Variants in EEFSEC observed in about 807,000 individuals in gnomAD.
EEFSEC encodes the protein eukaryotic elongation factor, selenocysteine-tRNA specific.
A neutral mutation model predicts 42.1 loss-of-function variants in EEFSEC; 43 were observed. The ratio of observed to expected loss-of-function variants is 1.02; its 90% CI spans 0.80 to 1.32. The LOEUF (loss-of-function observed/expected upper bound fraction) is 1.32, where lower values mean the gene tolerates loss of function less well. Among genes scored for constraint, EEFSEC ranks in the 40% most tolerant of loss-of-function variants. EEFSEC has a pLI of 0.00. For synonymous variants in EEFSEC, 354 were observed against 339.1 expected, an observed-to-expected ratio of 1.04 and a Z score of -0.48; for missense variants, 745 against 803.6, an observed-to-expected ratio of 0.93 and a Z score of 0.88.
chr3:128,283,078 G>A (rs1481974241), intron 4 of EEFSEC, among the ~76,000 whole-genome samples: 1 of 152,252 alleles, frequency 6.6e-6, no homozygotes, highest in Non-Finnish European at 1.5e-5. Flanking sequence ...ATCAGGACCT[G>A]CTGTGTATAA....
At chr3:128,378,742 G>A (rs753998448) in intron 6 of EEFSEC, among the ~76,000 whole-genome samples, 3 of 152,216 alleles carry the variant, frequency 2.0e-5, no homozygotes, top group Non-Finnish European at 4.4e-5. Context: ...CTGCAGGCCA[G>A]CCTGACTCTG....
intron 1 of EEFSEC, among the ~76,000 whole-genome samples, chr3:128,180,692 G>T (rs962931278): frequency 6.6e-6 from 1 of 152,206 alleles, no homozygotes; most frequent in Non-Finnish European, 1.5e-5. Flanking sequence ...TGCATCGATG[G>T]GACCAGGCAG....
intron 1 of EEFSEC, among the ~76,000 whole-genome samples, chr3:128,217,140 G>T (rs1471229231): frequency 1.3e-5 from 2 of 152,164 alleles, no homozygotes; most frequent in Non-Finnish European, 2.9e-5. Flanking sequence ...GATGAGAGCT[G>T]ATAGCTTTTG....
intron 4 of EEFSEC, among the ~76,000 whole-genome samples, chr3:128,293,678 A>C (rs1431650388): frequency 7.2e-6 from 1 of 138,776 alleles, no homozygotes; most frequent in African/African-American, 2.7e-5. Context: ...AAAAAAAAAA[A>C]AAAAAAAAAC....
chr3:128,329,405 C>A (rs1251334872), intron 4 of EEFSEC, among the ~76,000 whole-genome samples: 3 of 147,912 alleles, frequency 2.0e-5, no homozygotes, highest in Non-Finnish European at 4.5e-5. Context: ...TAGTGCCACC[C>A]AGCCCCACCC....
At chr3:128,250,123 T>G (rs1219766924) in intron 2 of EEFSEC, among the ~76,000 whole-genome samples, 2 of 152,188 alleles carry the variant, frequency 1.3e-5, no homozygotes, top group African/African-American at 4.8e-5. Flanking sequence ...GTTGTTGAAT[T>G]GTAATAGTTA....
chr3:128,371,532 A>G (rs2067653709), intron 6 of EEFSEC, among the ~76,000 whole-genome samples: 3 of 152,182 alleles, frequency 2.0e-5, no homozygotes, highest in Admixed American at 1.3e-4. Context: ...AGCAAGTGGC[A>G]GAAGGAACTG....
At chr3:128,320,763 C>A (rs985966883) in intron 4 of EEFSEC, among the ~76,000 whole-genome samples, 12 of 152,350 alleles carry the variant, frequency 7.9e-5, no homozygotes, top group African/African-American at 2.4e-4. Flanking sequence ...AGGCGGTAGC[C>A]ACTCCACCAG....
downstream of EEFSEC, among the ~76,000 whole-genome samples, chr3:128,413,477 G>C (rs1455812508): frequency 6.6e-6 from 1 of 152,130 alleles, no homozygotes; most frequent in African/African-American, 2.4e-5. Context: ...AGTGTGGCCT[G>C]CGGCCCCCTC....
At chr3:128,394,631 T>C (rs143527876) in intron 6 of EEFSEC, among the ~76,000 whole-genome samples, 35 of 150,934 alleles carry the variant, frequency 2.3e-4, no homozygotes, top group African/African-American at 8.2e-4. Context: ...AGGGAGTGAG[T>C]GTTTGGAGTA....
At chr3:128,251,159 A>G (rs1046300175) in intron 2 of EEFSEC, among the ~76,000 whole-genome samples, 1 of 152,010 alleles carries the variant, frequency 6.6e-6, no homozygotes, top group Non-Finnish European at 1.5e-5. Context: ...AGGCATGTAC[A>G]TTTTTATTTC....
At chr3:128,283,220 G>A (rs144679474) in intron 4 of EEFSEC, among the ~76,000 whole-genome samples, 1 of 152,326 alleles carries the variant, frequency 6.6e-6, no homozygotes, top group African/African-American at 2.4e-5. Flanking sequence ...CCCATCCCAG[G>A]ACAGCCCAGC....
At chr3:128,189,583 A>T (rs550072129) in intron 1 of EEFSEC, among the ~76,000 whole-genome samples, 6 of 138,700 alleles carry the variant, frequency 4.3e-5, no homozygotes, top group African/African-American at 1.7e-4. Context: ...TTTCCGAGCC[A>T]GGGTCTGGCT....
intron 3 of EEFSEC, among the ~76,000 whole-genome samples, chr3:128,263,984 A>G (rs989228904): frequency 5.9e-5 from 9 of 152,190 alleles, no homozygotes; most frequent in African/African-American, 2.2e-4. Flanking sequence ...TGGCTCTCAC[A>G]GCCCTATGGG....
intron 5 of EEFSEC, 70 bp downstream of exon 5, chr3:128,341,959 C>T (rs2067260874): frequency 6.5e-7 from 1 of 1,544,252 alleles, no homozygotes; most frequent in South Asian, 1.3e-5. Context: ...CATGGCCTGA[C>T]ATCTGTGATG....
chr3:128,153,818 T>C lies in EEFSEC; in HGVS notation c.311T>C (p.Ile104Thr). ...PGHASLIRTI[I>T]GGAQIIDLMM... is the part of the protein sequence containing the mutation. ...CACGCCTCCCTCATCCGGACCATCA[T>C]CGGCGGTGAGCGCGGGCCGGGGCGG... Residue 104 changes from isoleucine to threonine, a missense_variant, in exon 1 of 7, where the codon ATC becomes ACC. By Grantham distance (89) the Ile-to-Thr change is moderately conservative. Transcript: ENST00000254730. 5.3e-6 allele frequency: 8 copies of C among 1,505,622 alleles called. No individual in the cohort carries two copies. Among genetic ancestry groups the C allele is most frequent in the Non-Finnish European group, 7.1e-6 (8 of 1,133,750 alleles). 93.3% of individuals were successfully genotyped at this position (1,505,622 alleles called of 1,614,324 possible). A position where few individuals can be genotyped will look rare whatever the true frequency, so the allele number is the denominator to read the frequency against.
chr3:128,253,121 C>A (rs1168352336), intron 2 of EEFSEC, among the ~76,000 whole-genome samples: 2 of 152,196 alleles, frequency 1.3e-5, no homozygotes, highest in African/African-American at 4.8e-5. Context: ...AGACACCTGG[C>A]CCAACACACT....
chr3:128,240,314 G>A (rs1235129664), intron 1 of EEFSEC, among the ~76,000 whole-genome samples: 9 of 152,322 alleles, frequency 5.9e-5, no homozygotes. Flanking sequence ...GGTGCTTAGG[G>A]CTGAGTCTCT....
intron 1 of EEFSEC, among the ~76,000 whole-genome samples, chr3:128,217,725 G>C (rs1213290733): frequency 3.9e-5 from 6 of 152,186 alleles, no homozygotes; most frequent in Admixed American, 2.6e-4. Context: ...ACTTGCCTTG[G>C]CTGTGGTCTT....
Sources: allele counts gnomAD v4.1 joint callset (sites outside exome capture counted in the v4.1 genomes callset), GRCh38; gene constraint gnomAD v4.1.1; transcripts MANE v1.5; gene names NCBI Gene and HGNC (gene_info 2026-07-23, HGNC 2026-07-21).